GEMIN7: variants seen among roughly 807,000 people sequenced by gnomAD.
GEMIN7 encodes gem-associated protein 7.
Under a neutral mutation model 7.8 loss-of-function variants are expected in GEMIN7, and 7 were observed. That is an observed-to-expected ratio of 0.90 (90% CI 0.51 to 1.69). The LOEUF is 1.69. GEMIN7 is among the 40% of genes most tolerant of loss of function. GEMIN7 has a pLI of 0.00. For synonymous variants in GEMIN7, 68 were observed against 72.4 expected (o/e 0.94, Z 0.31); for missense variants, 159 against 176.2 (o/e 0.90, Z 0.55).
upstream of GEMIN7, chr19:45,075,836 G>A: frequency 6.2e-7 from 1 of 1,614,132 alleles, no homozygotes; most frequent in Non-Finnish European, 8.5e-7. Context: ...AACAGATCTG[G>A]GTGTTTGTCG....
chr19:45,089,952 G>A (rs1371460880), intron 2 of GEMIN7, 155 bp from the exon 3 acceptor site: 1 of 733,584 alleles, frequency 1.4e-6, no homozygotes, highest in Admixed American at 2.6e-5. Flanking sequence ...CCAAGCCATT[G>A]GGGGACGATG....
intron 2 of GEMIN7, among the ~76,000 whole-genome samples, chr19:45,083,844 C>T (rs911856056): frequency 6.6e-6 from 1 of 151,924 alleles, no homozygotes; most frequent in African/African-American, 2.4e-5. Context: ...AGTGATCCAC[C>T]TGCCTCAGCC....
intron 2 of GEMIN7, among the ~76,000 whole-genome samples, chr19:45,080,896 C>G (rs1397218023): frequency 3.3e-5 from 5 of 151,730 alleles, no homozygotes; most frequent in African/African-American, 1.2e-4. Context: ...AGTAAGTACT[C>G]ACCCTAGAGA....
chr19:45,082,010 G>C (rs1967521487), intron 2 of GEMIN7, among the ~76,000 whole-genome samples: 1 of 151,976 alleles, frequency 6.6e-6, no homozygotes, highest in African/African-American at 2.4e-5. Context: ...CTTCCACCTG[G>C]ACCACTACAG....
intron 2 of GEMIN7, among the ~76,000 whole-genome samples, chr19:45,086,558 T>TGCCC (rs1168081801): frequency 3.3e-5 from 5 of 152,174 alleles, no homozygotes; most frequent in African/African-American, 1.2e-4. Context: ...TTAGTCCCCA[T>TGCCC]GCCCGCCCTG....
At chr19:45,081,329 G>A (rs773062264) in intron 2 of GEMIN7, among the ~76,000 whole-genome samples, 5 of 151,930 alleles carry the variant, frequency 3.3e-5, no homozygotes, top group Non-Finnish European at 7.4e-5. Context: ...AGTGGTGCGC[G>A]CCTGTAGTCC....
chr19:45,090,143 C>T lies in GEMIN7; in HGVS notation c.29C>T (p.Pro10Leu), dbSNP rs1373795197. 2 of 1,613,596 alleles carry T rather than the reference C, an allele frequency of 1.2e-6. No individual in the cohort carries two copies. The highest frequency in any genetic ancestry group is 2.2e-5 in the East Asian group (1 of 44,860). ...CAAACTCCAGTGAACATTCCCGTGC[C>T]TGTGCTCCGGCTGCCCCGGGGCCCT... is the stretch of plus-strand genomic sequence containing the variant. Reference protein sequence around the residue: MQTPVNIPVPVLRLPRGPDG... With the variant: MQTPVNIPVLVLRLPRGPDG... Residue 10 changes from proline to leucine, a missense_variant, in exon 3 of 3, where the codon CCT becomes CTT. Coordinates refer to ENST00000270257, the MANE Select transcript of GEMIN7 (RefSeq NM_024707.3).
In GEMIN7 at chr19:45,090,164, G is replaced by A. The variant is rs745515149; in HGVS notation, c.50G>A (p.Gly17Asp). ...IPVPVLRLPR[G>D]PDGFSRGFAP... ...GTGCCTGTGCTCCGGCTGCCCCGGG[G>A]CCCTGATGGCTTCAGCCGTGGCTTT... is the stretch of plus-strand genomic sequence containing the variant. Residue 17 changes from glycine (G) to aspartate (D), a missense_variant, in exon 3 of 3, where the codon GGC becomes GAC. By Grantham distance (94) the Gly-to-Asp change is moderately conservative. Transcript: ENST00000270257. The A allele has an allele frequency of 2.5e-6, 4 of 1,613,994 alleles. No homozygotes were observed. In the African/African-American group the frequency reaches 4.0e-5, roughly 16 times the overall value.
chr19:45,076,355 C>T, upstream of GEMIN7: 3 of 1,348,920 alleles, frequency 2.2e-6, no homozygotes, highest in South Asian at 2.3e-5. The surrounding 1 kb of genome is among the most constrained non-coding windows in gnomAD (Gnocchi z 4.9). Context: ...GGCGCGCTGC[C>T]GGCCTTGCGG....
At chr19:45,089,306 T>C (rs964659958) in intron 2 of GEMIN7, among the ~76,000 whole-genome samples, 1 of 152,208 alleles carries the variant, frequency 6.6e-6, no homozygotes, top group Non-Finnish European at 1.5e-5. Flanking sequence ...CAGTAAGGAT[T>C]ATATTTTCCT....
chr19:45,081,187 C>G (rs1410524925), intron 2 of GEMIN7, among the ~76,000 whole-genome samples: 1 of 152,082 alleles, frequency 6.6e-6, no homozygotes, highest in Non-Finnish European at 1.5e-5. Context: ...AAATGCAAGG[C>G]CGGGCACGGT....
upstream of GEMIN7, chr19:45,076,182 GCCGCCGAACCGCC>G: frequency 6.6e-7 from 1 of 1,505,338 alleles, no homozygotes. The surrounding 1 kb of genome is among the most constrained non-coding windows in gnomAD (Gnocchi z 4.9). Context: ...GGTGGGGTTC[GCCGCCGAACCGCC>G]CCGCCGAGGA....
upstream of GEMIN7, among the ~76,000 whole-genome samples, chr19:45,077,359 G>A (rs988962447): frequency 6.6e-6 from 1 of 152,176 alleles, no homozygotes; most frequent in Non-Finnish European, 1.5e-5. Flanking sequence ...CAGCTCACCT[G>A]CCTCCACTCC....
chr19:45,087,019 G>T (rs916945696), intron 2 of GEMIN7, among the ~76,000 whole-genome samples: 1 of 151,972 alleles, frequency 6.6e-6, no homozygotes, highest in African/African-American at 2.4e-5. Context: ...GCTAATTTTT[G>T]TATTCTTAGT....
intron 2 of GEMIN7, among the ~76,000 whole-genome samples, chr19:45,084,548 G>A (rs1193231502): frequency 6.6e-6 from 1 of 151,986 alleles, no homozygotes; most frequent in East Asian, 1.9e-4. Context: ...GATTACAGGT[G>A]TGTGCCACCA....
intron 2 of GEMIN7, among the ~76,000 whole-genome samples, chr19:45,083,603 T>C (rs76459179): frequency 3.4e-5 from 5 of 146,190 alleles, no homozygotes; most frequent in African/African-American, 1.3e-4. Context: ...CTTCTTCTTT[T>C]TTTTTTTTTT....
upstream of GEMIN7, among the ~76,000 whole-genome samples, chr19:45,078,964 A>T (rs1967411647): frequency 6.6e-6 from 1 of 152,172 alleles, no homozygotes; most frequent in Admixed American, 6.6e-5. Context: ...ATGGGGATGC[A>T]AAGACCGAGC....
chr19:45,082,747 T>C (rs1967543753), intron 2 of GEMIN7, among the ~76,000 whole-genome samples: 1 of 151,766 alleles, frequency 6.6e-6, no homozygotes, highest in Non-Finnish European at 1.5e-5. Context: ...GTCTCCTTAG[T>C]AGCTGGGACT....
chr19:45,087,838 C>A (rs1363724902), intron 2 of GEMIN7, among the ~76,000 whole-genome samples: 1 of 151,718 alleles, frequency 6.6e-6, no homozygotes, highest in Admixed American at 6.6e-5. Flanking sequence ...GTACTCCAGG[C>A]AGGAAGTGTC....
Sources: gnomAD v4.1 joint callset for allele counts (sites outside exome capture counted in the v4.1 genomes callset) on GRCh38, gnomAD v4.1.1 for gene constraint, Gnocchi (gnomAD v3.1) non-coding constraint, MANE v1.5 for transcripts, NCBI Gene and HGNC (gene_info 2026-07-23, HGNC 2026-07-21) for gene names.